The following LSAMP variants were observed in gnomAD, a reference collection of about 807,000 sequenced individuals.
LSAMP encodes the protein limbic system associated membrane protein.
A neutral mutation model predicts 38.6 loss-of-function variants in LSAMP; 7 were observed. The ratio of observed to expected loss-of-function variants is 0.18; its 90% confidence interval spans 0.10 to 0.34. The LOEUF (loss-of-function observed/expected upper bound fraction) is 0.34. Ranked by LOEUF, LSAMP falls within the 10% of genes least tolerant of loss-of-function variation. LSAMP has a pLI of 1.00. For synonymous variants in LSAMP, 154 were observed against 166.8 expected, an observed-to-expected ratio of 0.92 and a Z score of 0.59; for missense variants, 313 against 420.0, an observed-to-expected ratio of 0.75 and a Z score of 2.23.
intron 1 of LSAMP, among the ~76,000 whole-genome samples, chr3:116,336,809 G>A (rs1176643334): frequency 6.6e-6 from 1 of 151,650 alleles, no homozygotes; most frequent in Non-Finnish European, 1.5e-5. Context: ...CAACATAATT[G>A]AAAGCAGAGT....
At chr3:116,003,650 G>T (rs182663310) in intron 3 of LSAMP, among the ~76,000 whole-genome samples, 19 of 152,196 alleles carry the variant, frequency 1.2e-4, no homozygotes, top group Non-Finnish European at 2.8e-4. Context: ...CTGGATTAAC[G>T]CTGAATCCTA....
chr3:116,156,121 C>T (rs1048955646), intron 1 of LSAMP, among the ~76,000 whole-genome samples: 1 of 152,072 alleles, frequency 6.6e-6, no homozygotes, highest in Non-Finnish European at 1.5e-5. Context: ...GGTGAAAATT[C>T]CAGCTCTCTT....
intron 1 of LSAMP, among the ~76,000 whole-genome samples, chr3:116,193,816 G>A (rs997430001): frequency 6.6e-6 from 1 of 152,156 alleles, no homozygotes; most frequent in Non-Finnish European, 1.5e-5. Context: ...TGCCAGGAAA[G>A]TTAAACATGA....
chr3:115,963,940 A>AT (rs1219607179), intron 3 of LSAMP, among the ~76,000 whole-genome samples: 5 of 151,966 alleles, frequency 3.3e-5, no homozygotes, highest in African/African-American at 1.2e-4. Flanking sequence ...TTTTGTAGAG[A>AT]TAGAGTCTCC....
At chr3:116,238,040 C>G (rs189813823) in intron 1 of LSAMP, among the ~76,000 whole-genome samples, 12 of 152,246 alleles carry the variant, frequency 7.9e-5, no homozygotes, top group African/African-American at 2.2e-4. Flanking sequence ...TCCCTTCCTC[C>G]ACCCAGTTGT....
chr3:115,912,342 G>A (rs1246853125), intron 3 of LSAMP, among the ~76,000 whole-genome samples: 1 of 152,152 alleles, frequency 6.6e-6, no homozygotes, highest in Admixed American at 6.5e-5. Context: ...GTAGGTCAAT[G>A]TTTAATTTTT....
chr3:116,104,922 A>ATC (rs988602263), intron 1 of LSAMP, among the ~76,000 whole-genome samples: 2 of 152,228 alleles, frequency 1.3e-5, no homozygotes, highest in Non-Finnish European at 2.9e-5. Context: ...TTTACCTGTC[A>ATC]TCCTCATAAA....
At chr3:116,118,598 T>C (rs984259112) in intron 1 of LSAMP, among the ~76,000 whole-genome samples, 17 of 152,160 alleles carry the variant, frequency 1.1e-4, no homozygotes, top group Admixed American at 1.1e-3. Flanking sequence ...CAAAATTGGA[T>C]GTGTGTTTGA....
At chr3:116,388,530 C>G (rs2048653515) in intron 1 of LSAMP, among the ~76,000 whole-genome samples, 1 of 152,138 alleles carries the variant, frequency 6.6e-6, no homozygotes, top group Non-Finnish European at 1.5e-5. Flanking sequence ...AAATATTTTA[C>G]TAAATGCCAA....
chr3:115,855,802 TA>T (rs1348615481), intron 3 of LSAMP, among the ~76,000 whole-genome samples: 1 of 152,136 alleles, frequency 6.6e-6, no homozygotes, highest in Admixed American at 6.5e-5. Flanking sequence ...CTCTCAACCT[TA>T]AGAAGACTCT....
chr3:116,271,701 G>C (rs190952724), intron 1 of LSAMP, among the ~76,000 whole-genome samples: 5 of 151,760 alleles, frequency 3.3e-5, no homozygotes, highest in Non-Finnish European at 7.4e-5. Context: ...AAATATAATC[G>C]ACTTTGTGGA....
intron 3 of LSAMP, among the ~76,000 whole-genome samples, chr3:115,879,621 C>T (rs762034521): frequency 3.9e-5 from 6 of 152,132 alleles, no homozygotes; most frequent in Non-Finnish European, 8.8e-5. Flanking sequence ...CAATGGAGGG[C>T]AGGGTTCTTG....
intron 1 of LSAMP, among the ~76,000 whole-genome samples, chr3:116,147,719 G>T (rs757003361): frequency 6.6e-6 from 1 of 151,816 alleles, no homozygotes; most frequent in African/African-American, 2.4e-5. Flanking sequence ...AAAATCCCAA[G>T]TAAGTGTCAT....
At chr3:116,143,121 G>A (rs148392512) in intron 1 of LSAMP, among the ~76,000 whole-genome samples, 91 of 151,348 alleles carry the variant, frequency 6.0e-4, no homozygotes, top group African/African-American at 2.0e-3. Flanking sequence ...GATAGCATTC[G>A]TATTCCCTCC....
At chr3:116,075,702 G>A (rs1436518550) in intron 2 of LSAMP, among the ~76,000 whole-genome samples, 3 of 151,118 alleles carry the variant, frequency 2.0e-5, no homozygotes, top group Non-Finnish European at 4.4e-5. Flanking sequence ...CACCACACCC[G>A]GCTAATTTTT....
rs568361789 is a variant in LSAMP at position 116,174,062 on chromosome 3, CA to C, written c.156-87507del. Among the ~76,000 whole-genome samples the C allele has an allele frequency of 6.2e-4, 94 of 152,026 alleles. 2 individuals are homozygous for C. In the South Asian group the frequency reaches 0.018, roughly 30 times the overall value. On this transcript the variant is annotated intron_variant, in intron 1 of 6. Transcript: ENST00000490035. Reference sequence around the variant, plus strand: ...TTTGTGCATTGTCACAGGTAAAAATCAAAGCAGCCTCATTTATTTCCAAAGG... The same window carrying C: ...TTTGTGCATTGTCACAGGTAAAAATCAAGCAGCCTCATTTATTTCCAAAGG...
chr3:116,127,774 C>CT (rs1224974495), intron 1 of LSAMP, among the ~76,000 whole-genome samples: 4 of 137,200 alleles, frequency 2.9e-5, no homozygotes, highest in African/African-American at 8.1e-5. Context: ...TTTGACTTTC[C>CT]TTTTTTTAAT....
chr3:116,268,742 T>C (rs1383830587), intron 1 of LSAMP, among the ~76,000 whole-genome samples: 1 of 152,158 alleles, frequency 6.6e-6, no homozygotes, highest in African/African-American at 2.4e-5. Flanking sequence ...TTAAAGTATA[T>C]AATTTGTTGC....
chr3:115,944,591 A>G (rs746253166), intron 3 of LSAMP, among the ~76,000 whole-genome samples: 1 of 152,160 alleles, frequency 6.6e-6, no homozygotes, highest in Non-Finnish European at 1.5e-5. Flanking sequence ...ACTCCATTTT[A>G]TGGAGCAAAA....
Sources: gnomAD v4.1 joint callset for allele counts (sites outside exome capture counted in the v4.1 genomes callset) on GRCh38, gnomAD v4.1.1 for gene constraint, MANE v1.5 for transcripts, NCBI Gene and HGNC (gene_info 2026-07-23, HGNC 2026-07-21) for gene names.